GRM7: variants seen among roughly 807,000 people sequenced by gnomAD.
GRM7 encodes glutamate metabotropic receptor 7, also known as metabotropic glutamate receptor 7.
Under a neutral mutation model 84.5 loss-of-function variants are expected in GRM7, and 35 were observed. The observed-to-expected ratio is 0.41, with a 90% confidence interval of 0.32 to 0.55. The LOEUF (loss-of-function observed/expected upper bound fraction) is 0.55. Among genes scored for constraint, GRM7 ranks in the 20% least tolerant of loss-of-function variants. The probability of loss-of-function intolerance (pLI) is 0.19; values close to 1 mark genes in which losing one functional copy is unlikely to be tolerated. For synonymous variants in GRM7, 487 were observed against 455.1 expected (o/e 1.07, Z -0.89); for missense variants, 1,003 against 1,194.6 (o/e 0.84, Z 2.36).
At chr3:7,606,363 G>T (rs1696570684) in intron 8 of GRM7, among the ~76,000 whole-genome samples, 1 of 152,012 alleles carries the variant, frequency 6.6e-6, no homozygotes, top group East Asian at 1.9e-4. Context: ...AAGCCTTATG[G>T]TTTTTTATAC....
chr3:7,106,180 G>T (rs1559445216), intron 1 of GRM7, among the ~76,000 whole-genome samples: 1 of 151,758 alleles, frequency 6.6e-6, no homozygotes, highest in Non-Finnish European at 1.5e-5. Context: ...AAAAATATTA[G>T]ATATTTTCTT....
At chr3:7,295,443 C>T (rs545385485) in intron 2 of GRM7, among the ~76,000 whole-genome samples, 201 of 152,186 alleles carry the variant, frequency 1.3e-3, no homozygotes, top group Middle Eastern at 3.4e-3. Context: ...AATTTTCTTA[C>T]TTTTCAGAAT....
At chr3:7,051,067 C>T (rs1345951317) in intron 1 of GRM7, among the ~76,000 whole-genome samples, 1 of 151,640 alleles carries the variant, frequency 6.6e-6, no homozygotes, top group Non-Finnish European at 1.5e-5. Flanking sequence ...ATTAATTAAA[C>T]ACTCACAAAC....
chr3:7,072,117 T>C (rs554040143), intron 1 of GRM7, among the ~76,000 whole-genome samples: 1 of 152,124 alleles, frequency 6.6e-6, no homozygotes, highest in East Asian at 1.9e-4. Context: ...GACCGTAATA[T>C]GCCCAGTTCA....
intron 1 of GRM7, among the ~76,000 whole-genome samples, chr3:6,934,058 G>C (rs1697601454): frequency 6.6e-6 from 1 of 152,194 alleles, no homozygotes; most frequent in African/African-American, 2.4e-5. Flanking sequence ...TCACTCATGA[G>C]TATGGGGAGG....
rs1697407374 is a variant in GRM7, at chr3:7,237,943, C to T, written c.737-60741C>T. 2.0e-5 allele frequency among the ~76,000 whole-genome samples: 3 copies of T among 152,220 alleles called. No homozygotes were observed. The South Asian group carries it at 6.2e-4, about 32-fold the overall frequency. On this transcript the variant is annotated intron_variant, in intron 2 of 9. Coordinates refer to ENST00000357716, the MANE Select transcript of GRM7 (RefSeq NM_000844.4). ...GAGTACTGATTGGTGCGTTTACAGA[C>T]CTTTAGCTAGACACAGAGTGCTGAT...
At chr3:7,439,155 T>G (rs1039963318) in intron 5 of GRM7, among the ~76,000 whole-genome samples, 2 of 152,170 alleles carry the variant, frequency 1.3e-5, no homozygotes, top group Non-Finnish European at 2.9e-5. Flanking sequence ...GGAATAAAAT[T>G]GTCCATAGGT....
chr3:7,713,158 A>C (rs1701651095), intron 9 of GRM7, among the ~76,000 whole-genome samples: 1 of 115,316 alleles, frequency 8.7e-6, no homozygotes, highest in African/African-American at 3.7e-5. Context: ...TTTTTGAGAC[A>C]ATCTTGCTTT....
chr3:7,498,721 G>A (rs769605607), intron 7 of GRM7, among the ~76,000 whole-genome samples: 23 of 152,092 alleles, frequency 1.5e-4, no homozygotes, highest in African/African-American at 4.8e-4. Flanking sequence ...TTGAGACATC[G>A]CCTAGTTCAG....
chr3:7,610,765 T>C (rs3804870), intron 8 of GRM7, among the ~76,000 whole-genome samples: 20,235 of 152,232 alleles, frequency 0.13, 1,476 homozygotes, highest in Admixed American at 0.17. Flanking sequence ...CAAGGCCACA[T>C]GTTCTTAGAG....
chr3:7,343,318 C>A (rs142743059), intron 4 of GRM7, among the ~76,000 whole-genome samples: 1 of 152,046 alleles, frequency 6.6e-6, no homozygotes, highest in Non-Finnish European at 1.5e-5. Flanking sequence ...ACTGCAGCCT[C>A]GACCTCCTAG....
intron 2 of GRM7, among the ~76,000 whole-genome samples, chr3:7,295,356 A>G (rs763792697): frequency 1.3e-5 from 2 of 152,156 alleles, no homozygotes; most frequent in Non-Finnish European, 2.9e-5. Flanking sequence ...TCAACAGTCT[A>G]TACTTTTTAC....
At chr3:7,706,981 C>A (rs1249464886) in intron 9 of GRM7, among the ~76,000 whole-genome samples, 2 of 128,636 alleles carry the variant, frequency 1.6e-5, no homozygotes, top group Admixed American at 1.7e-4. Flanking sequence ...GTATAATATA[C>A]CAGTAACATC....
At chr3:6,879,014 C>T (rs1377125739) in intron 1 of GRM7, among the ~76,000 whole-genome samples, 1 of 152,070 alleles carries the variant, frequency 6.6e-6, no homozygotes, top group African/African-American at 2.4e-5. Flanking sequence ...TTACAGAGAC[C>T]CATAGGAGTG....
chr3:7,521,775 A>G (rs1700604120), intron 7 of GRM7, among the ~76,000 whole-genome samples: 1 of 152,150 alleles, frequency 6.6e-6, no homozygotes, highest in Non-Finnish European at 1.5e-5. Context: ...CTCTTTAGAT[A>G]AAAAAAGAAC....
At chr3:7,072,073 T>C (rs1386764949) in intron 1 of GRM7, among the ~76,000 whole-genome samples, 2 of 151,988 alleles carry the variant, frequency 1.3e-5, no homozygotes, top group African/African-American at 4.8e-5. Context: ...TCTCTTAGCA[T>C]TTCTCCCCCT....
chr3:7,457,495 A>G (rs923382993), intron 6 of GRM7, among the ~76,000 whole-genome samples: 2 of 152,220 alleles, frequency 1.3e-5, no homozygotes, highest in Admixed American at 1.3e-4. Flanking sequence ...ATAGCTATAG[A>G]AAGAAGGATT....
At chr3:7,552,692 A>G (rs986495016) in intron 7 of GRM7, among the ~76,000 whole-genome samples, 3 of 152,112 alleles carry the variant, frequency 2.0e-5, no homozygotes, top group African/African-American at 7.2e-5. Context: ...TGTACATTGG[A>G]CCCTTTTAGT....
intron 7 of GRM7, among the ~76,000 whole-genome samples, chr3:7,500,125 G>C (rs1053211446): frequency 6.6e-6 from 1 of 152,068 alleles, no homozygotes; most frequent in East Asian, 1.9e-4. Flanking sequence ...TATTACTTAT[G>C]AGCTATTTTT....
Sources: allele counts gnomAD v4.1 joint callset (sites outside exome capture counted in the v4.1 genomes callset), GRCh38; gene constraint gnomAD v4.1.1; transcripts MANE v1.5; gene names NCBI Gene and HGNC (gene_info 2026-07-23, HGNC 2026-07-21).